Variants in SLC8A1 observed in about 807,000 individuals in gnomAD.
SLC8A1 encodes the protein sodium/calcium exchanger 1.
Under a neutral mutation model 68.3 loss-of-function variants are expected in SLC8A1, and 18 were observed. The observed-to-expected ratio is 0.26, with a 90% CI of 0.18 to 0.39. The LOEUF is 0.39. Among genes scored for constraint, SLC8A1 ranks in the 10% least tolerant of loss-of-function variants. The pLI, the probability that SLC8A1 is intolerant of heterozygous loss-of-function variation, is 1.00. For missense variants in SLC8A1, 985 were observed against 1,156.7 expected (o/e 0.85, Z 2.15); for synonymous variants, 475 against 415.5 (o/e 1.14, Z -1.74).
At chr2:40,484,803 G>T (rs973546556) in intron 1 of SLC8A1, among the ~76,000 whole-genome samples, 2 of 152,180 alleles carry the variant, frequency 1.3e-5, no homozygotes, top group African/African-American at 4.8e-5. Flanking sequence ...TAACACAGAG[G>T]AGCTGGTGGA....
intron 2 of SLC8A1, among the ~76,000 whole-genome samples, chr2:40,253,767 C>T (rs1486176872): frequency 7.3e-6 from 1 of 136,306 alleles, no homozygotes; most frequent in African/African-American, 2.8e-5. Context: ...GTGGAGGTTG[C>T]AGTGAGCCGA....
intron 1 of SLC8A1, among the ~76,000 whole-genome samples, chr2:40,463,735 C>CT (rs1449785483): frequency 6.6e-6 from 1 of 151,676 alleles, no homozygotes; most frequent in African/African-American, 2.4e-5. Context: ...GAATCTTGTT[C>CT]TTTTTTTGCC....
chr2:40,405,404 A>G (rs1016913696), intron 2 of SLC8A1, among the ~76,000 whole-genome samples: 5 of 152,222 alleles, frequency 3.3e-5, no homozygotes, highest in Non-Finnish European at 5.9e-5. Context: ...AAAGTGCATG[A>G]ATGTTTCCAT....
chr2:40,287,386 G>A (rs2068490537), intron 2 of SLC8A1, among the ~76,000 whole-genome samples: 1 of 152,104 alleles, frequency 6.6e-6, no homozygotes. Context: ...TCTCAGTGAT[G>A]TAATAGGAGT....
intron 2 of SLC8A1, among the ~76,000 whole-genome samples, chr2:40,374,192 C>G (rs966704944): frequency 1.3e-5 from 2 of 151,970 alleles, no homozygotes; most frequent in Admixed American, 1.3e-4. Context: ...ACTTTGTGCT[C>G]AGGTGAACAG....
intron 1 of SLC8A1, among the ~76,000 whole-genome samples, chr2:40,494,524 T>A (rs1007598272): frequency 1.3e-5 from 2 of 151,322 alleles, no homozygotes; most frequent in African/African-American, 4.9e-5. Flanking sequence ...TACCCAGTAA[T>A]GGGATGGCTG....
chr2:40,420,567 G>C (rs532712866), intron 2 of SLC8A1, among the ~76,000 whole-genome samples: 1 of 152,214 alleles, frequency 6.6e-6, no homozygotes, highest in South Asian at 2.1e-4. Context: ...ACAATAACTA[G>C]GTAGGTCAGC....
chr2:40,215,655 A>G (rs1213214626), intron 2 of SLC8A1, among the ~76,000 whole-genome samples: 2 of 150,260 alleles, frequency 1.3e-5, no homozygotes, highest in East Asian at 3.9e-4. Flanking sequence ...AAAAAAAAAA[A>G]AAAAAAAAAA....
chr2:40,114,650 T>C (rs2035011264), exon 8 of SLC8A1: 1 of 152,746 alleles, frequency 6.5e-6, no homozygotes, highest in South Asian at 2.1e-4. Flanking sequence ...ATGCTTCTTC[T>C]TGGAGGCAGC....
intron 2 of SLC8A1, among the ~76,000 whole-genome samples, chr2:40,314,609 A>C (rs1453460570): frequency 6.6e-6 from 1 of 151,996 alleles, no homozygotes; most frequent in Non-Finnish European, 1.5e-5. Context: ...GATTATCTTA[A>C]AAATATGATG....
chr2:40,302,197 C>T (rs2071619484), intron 2 of SLC8A1, among the ~76,000 whole-genome samples: 1 of 151,874 alleles, frequency 6.6e-6, no homozygotes, highest in Non-Finnish European at 1.5e-5. Context: ...GCACCCAGCC[C>T]CAATTTGTAG....
At chr2:40,352,162 G>C (rs1671298733) in intron 2 of SLC8A1, among the ~76,000 whole-genome samples, 1 of 152,000 alleles carries the variant, frequency 6.6e-6, no homozygotes, top group Non-Finnish European at 1.5e-5. Flanking sequence ...TCATTCATAG[G>C]CGTTCATAGA....
intron 4 of SLC8A1, among the ~76,000 whole-genome samples, chr2:40,173,158 G>A (rs1338694197): frequency 6.6e-6 from 1 of 152,100 alleles, no homozygotes; most frequent in Non-Finnish European, 1.5e-5. Flanking sequence ...CATGAAGACT[G>A]GCTTGCCAAA....
chr2:40,338,494 C>G (rs138462288), intron 2 of SLC8A1, among the ~76,000 whole-genome samples: 4 of 152,252 alleles, frequency 2.6e-5, no homozygotes, highest in African/African-American at 9.6e-5. Context: ...AAATGCAGCA[C>G]AAGTCAACCC....
chr2:40,129,012 G>A (rs114252770), intron 7 of SLC8A1, among the ~76,000 whole-genome samples: 14 of 152,138 alleles, frequency 9.2e-5, no homozygotes, highest in Non-Finnish European at 1.6e-4. Context: ...GTAAATGGCC[G>A]TGAGGCATCT....
intron 2 of SLC8A1, among the ~76,000 whole-genome samples, chr2:40,194,368 G>A (rs1011288152): frequency 6.6e-6 from 1 of 151,784 alleles, no homozygotes; most frequent in Admixed American, 6.6e-5. Flanking sequence ...CAACCAAGAT[G>A]ATATAATGAA....
intron 2 of SLC8A1, among the ~76,000 whole-genome samples, chr2:40,372,897 GA>G: frequency 6.6e-6 from 1 of 152,136 alleles, no homozygotes; most frequent in South Asian, 2.1e-4. Flanking sequence ...CTCTACTAGT[GA>G]ATGAATAGAA....
intron 2 of SLC8A1, chr2:40,220,148 C>T (rs1368168631): frequency 6.7e-4 from 97 of 144,016 alleles, no homozygotes; most frequent in African/African-American, 2.4e-3. Flanking sequence ...ACAAAATAGG[C>T]TTTTTTTTTT....
chr2:40,448,203 T>C (rs1559723181), intron 1 of SLC8A1, among the ~76,000 whole-genome samples: 2 of 152,118 alleles, frequency 1.3e-5, no homozygotes, highest in Non-Finnish European at 2.9e-5. Flanking sequence ...AAAATATATA[T>C]TGTGTAAAAC....
Sources: gnomAD v4.1 joint callset for allele counts (sites outside exome capture counted in the v4.1 genomes callset) on GRCh38, gnomAD v4.1.1 for gene constraint, MANE v1.5 for transcripts, NCBI Gene and HGNC (gene_info 2026-07-23, HGNC 2026-07-21) for gene names.